CHL1: variants seen among roughly 807,000 people sequenced by gnomAD.
CHL1 encodes the protein cell adhesion molecule L1 like, also known as neural cell adhesion molecule L1-like protein.
Under a neutral mutation model 141.9 loss-of-function variants are expected in CHL1, and 96 were observed. The ratio of observed to expected loss-of-function variants is 0.68; its 90% CI spans 0.57 to 0.80. The LOEUF (loss-of-function observed/expected upper bound fraction) is 0.80. Ranked by LOEUF, CHL1 falls within the 30% of genes least tolerant of loss-of-function variation. The probability of loss-of-function intolerance (pLI) is 0.00; values close to 1 mark genes in which losing one functional copy is unlikely to be tolerated. For missense variants in CHL1, 1,820 were observed against 1,457.2 expected (o/e 1.25, Z -4.05); for synonymous variants, 613 against 502.2 (o/e 1.22, Z -2.95).
At chr3:331,060 T>TATAAAA (rs1701397042) in intron 5 of CHL1, among the ~76,000 whole-genome samples, 1 of 152,160 alleles carries the variant, frequency 6.6e-6, no homozygotes, top group African/African-American at 2.4e-5. Flanking sequence ...CCTCATATCA[T>TATAAAA]ATAAAAATCA....
chr3:343,042 C>A lies in CHL1; in HGVS notation c.727+11C>A. 6.2e-7 allele frequency: 1 copy of A among 1,604,232 alleles called. No individual in the cohort carries two copies. Among genetic ancestry groups the A allele is most frequent in the Non-Finnish European group, 8.5e-7 (1 of 1,175,554 alleles). On this transcript the variant is annotated intron_variant, in intron 8 of 27. Coordinates refer to ENST00000256509, the MANE Select transcript of CHL1 (RefSeq NM_006614.4). Reference sequence around the variant, plus strand: ...AAATTGGTTCCAAGGGTAAGTTGAACCCATGTGGAGTGTTGGCATTTGTGT... The same window carrying A: ...AAATTGGTTCCAAGGGTAAGTTGAAACCATGTGGAGTGTTGGCATTTGTGT...
intron 15 of CHL1, among the ~76,000 whole-genome samples, chr3:375,298 G>C (rs1040543503): frequency 2.0e-5 from 3 of 152,032 alleles, no homozygotes; most frequent in African/African-American, 7.2e-5. Context: ...CAAAGGGAGG[G>C]ACCTAGTCCT....
In CHL1 at chr3:382,639, A is replaced by T; in HGVS notation, c.2144A>T (p.Gln715Leu). The T allele has an allele frequency of 1.2e-6, 2 of 1,613,850 alleles. No individual in the cohort carries two copies. The highest frequency in any genetic ancestry group is 1.7e-6 in the Non-Finnish European group (2 of 1,179,826). Residue 715 changes from glutamine (Q) to leucine (L), a missense_variant, in exon 18 of 28, where the codon CAG becomes CTG. Transcript: ENST00000256509. ...VNEVGRSQPS[Q>L]PSDHHETPPA... ...GAAGTAGGGAGAAGTCAGCCTAGCC[A>T]GCCGTCAGACCATCATGAAACACCA...
At chr3:370,339 C>G (rs1705466889) in intron 15 of CHL1, among the ~76,000 whole-genome samples, 1 of 152,038 alleles carries the variant, frequency 6.6e-6, no homozygotes, top group Non-Finnish European at 1.5e-5. Flanking sequence ...GTGTATGTGT[C>G]CAAGAATATG....
intron 7 of CHL1, 82 bp from the exon 8 acceptor site, chr3:342,902 C>G: frequency 4.3e-6 from 5 of 1,169,246 alleles, no homozygotes; most frequent in East Asian, 2.5e-5. Context: ...TTTTCTAAGA[C>G]AAAAATATGA....
intron 9 of CHL1, among the ~76,000 whole-genome samples, chr3:348,653 T>G (rs1702970379): frequency 1.3e-5 from 2 of 152,204 alleles, no homozygotes. Flanking sequence ...TGGTTTTGTT[T>G]TGTCTTTACT....
rs1709639868 is a variant in CHL1, at chr3:408,067, A to G, written c.*2356A>G. 6.6e-6 allele frequency: 1 copy of G among 152,184 alleles called. No individual in the cohort carries two copies. The highest frequency in any genetic ancestry group is 2.4e-5 in the African/African-American group (1 of 41,456). The allele number at this position is 152,184 out of a possible 1,614,324, so 9.4% of individuals were successfully genotyped here. A position where few individuals can be genotyped will look rare whatever the true frequency, so the allele number is the denominator to read the frequency against. On this transcript the variant is annotated 3_prime_UTR_variant, in exon 28 of 28. Transcript: ENST00000256509. ...TGAAATTATATGATTCATATATTTT[A>G]TGAATCAGAATAACCTTCAAATAAA...
At chr3:333,567 CTATT>C (rs1329417073) in intron 5 of CHL1, among the ~76,000 whole-genome samples, 1 of 152,068 alleles carries the variant, frequency 6.6e-6, no homozygotes, top group Non-Finnish European at 1.5e-5. Flanking sequence ...ACACGAAAAA[CTATT>C]TAACTAAATG....
Position 376,473 on chromosome 3 carries a change from A to G in CHL1, c.1752-1345A>G, listed in dbSNP as rs146145379. 9.8e-3 allele frequency: 4,870 copies of G among 498,400 alleles called. 38 individuals are homozygous for G. The highest frequency in any genetic ancestry group is 0.015 in the Non-Finnish European group (3,694 of 251,662). The allele number at this position is 498,400 out of a possible 1,614,324, so 30.9% of individuals were successfully genotyped here. On this transcript the variant is annotated intron_variant, in intron 15 of 27. Coordinates refer to ENST00000256509, the MANE Select transcript of CHL1 (RefSeq NM_006614.4). Reference sequence around the variant, plus strand: ...ATTTCGAGGACTAGTGAGGCACCCAACGTTGATTAATTGGAGGCACCTAAG... The same window carrying G: ...ATTTCGAGGACTAGTGAGGCACCCAGCGTTGATTAATTGGAGGCACCTAAG...
chr3:251,707 T>C (rs780152518), intron 2 of CHL1, among the ~76,000 whole-genome samples: 1 of 152,262 alleles, frequency 6.6e-6, no homozygotes, highest in Non-Finnish European at 1.5e-5. Flanking sequence ...AAAAGTGTTG[T>C]TTTTGGAAAG....
intron 5 of CHL1, among the ~76,000 whole-genome samples, chr3:334,267 G>C (rs1469855546): frequency 2.0e-5 from 3 of 151,988 alleles, no homozygotes; most frequent in Admixed American, 1.3e-4. Flanking sequence ...AAACTCCTGG[G>C]CTCAGGTGAT....
At chr3:369,341 AT>A (rs1346842371) in intron 15 of CHL1, among the ~76,000 whole-genome samples, 2 of 151,244 alleles carry the variant, frequency 1.3e-5, no homozygotes, top group Non-Finnish European at 2.9e-5. Flanking sequence ...ATTCCTAGGT[AT>A]TTGATTCTCT....
chr3:304,193 G>A (rs866248713), intron 2 of CHL1, among the ~76,000 whole-genome samples: 52 of 152,116 alleles, frequency 3.4e-4, no homozygotes, highest in African/African-American at 1.2e-3. Flanking sequence ...ATATTGGCCT[G>A]AATTTTTGTT....
chr3:351,887 G>C (rs1001013002), intron 10 of CHL1, among the ~76,000 whole-genome samples: 2 of 152,016 alleles, frequency 1.3e-5, no homozygotes, highest in South Asian at 4.1e-4. Flanking sequence ...AAATATCTAA[G>C]ATATGATTAA....
At chr3:334,271 A>G (rs1197978265) in intron 5 of CHL1, among the ~76,000 whole-genome samples, 1 of 152,236 alleles carries the variant, frequency 6.6e-6, no homozygotes, top group Admixed American at 6.5e-5. Context: ...TCCTGGGCTC[A>G]GGTGATCCTC....
chr3:401,988 C>A (rs1161474697), intron 27 of CHL1, among the ~76,000 whole-genome samples: 2 of 152,178 alleles, frequency 1.3e-5, no homozygotes, highest in African/African-American at 4.8e-5. Flanking sequence ...GCTAAAACAT[C>A]TATAGCATGG....
intron 2 of CHL1, among the ~76,000 whole-genome samples, chr3:274,568 C>T (rs1695920193): frequency 6.6e-6 from 1 of 152,202 alleles, no homozygotes; most frequent in Non-Finnish European, 1.5e-5. Context: ...AACAGTCTGG[C>T]ACAGTTACTG....
chr3:224,347 A>G (rs1343954952), intron 1 of CHL1, among the ~76,000 whole-genome samples: 1 of 152,184 alleles, frequency 6.6e-6, no homozygotes, highest in Non-Finnish European at 1.5e-5. Flanking sequence ...TCTCTTTGAT[A>G]TAGTTTGAAT....
rs1701858942 is a variant in CHL1, at chr3:336,331, A to G, written c.386-4463A>G. Reference sequence around the variant, plus strand: ...AGTGCCGGAGAATCTGTAGTGTTGCATAACATGGTAGCGGTTAAGATGCCA... The same window carrying G: ...AGTGCCGGAGAATCTGTAGTGTTGCGTAACATGGTAGCGGTTAAGATGCCA... On this transcript the variant is annotated intron_variant, in intron 5 of 27. Coordinates refer to ENST00000256509, the MANE Select transcript of CHL1 (RefSeq NM_006614.4). 2.0e-5 allele frequency among the ~76,000 whole-genome samples: 3 copies of G among 152,188 alleles called. No homozygotes were observed. The South Asian group carries it at 6.2e-4, about 32-fold the overall frequency.
Sources: allele counts gnomAD v4.1 joint callset (sites outside exome capture counted in the v4.1 genomes callset), GRCh38; gene constraint gnomAD v4.1.1; transcripts MANE v1.5; gene names NCBI Gene and HGNC (gene_info 2026-07-23, HGNC 2026-07-21).